The following BLVRA variants were observed in gnomAD, a reference collection of about 807,000 sequenced individuals.
BLVRA encodes the protein biliverdin reductase A.
In BLVRA, 22 loss-of-function variants were observed where a neutral mutation model predicts 32.8. That is an observed-to-expected ratio of 0.67 (90% CI 0.48 to 0.96). The LOEUF is 0.96. Among genes scored for constraint, BLVRA ranks in the 40% least tolerant of loss-of-function variants. The pLI, the probability that BLVRA is intolerant of heterozygous loss-of-function variation, is 0.00. For missense variants in BLVRA, 323 were observed against 358.1 expected, an observed-to-expected ratio of 0.90 and a Z score of 0.79; for synonymous variants, 119 against 141.3, an observed-to-expected ratio of 0.84 and a Z score of 1.12.
chr7:43,792,147 A>G (rs961773851), intron 4 of BLVRA, among the ~76,000 whole-genome samples: 4 of 152,112 alleles, frequency 2.6e-5, no homozygotes, highest in African/African-American at 9.7e-5. Context: ...TACTTTTCCA[A>G]CGTTATTATC....
At chr7:43,764,389 C>T (rs1240587710) in intron 1 of BLVRA, 2 of 152,210 alleles carry the variant, frequency 1.3e-5, no homozygotes, top group African/African-American at 2.4e-5. Flanking sequence ...AGTTAATAAG[C>T]AGCTCTTTTC....
chr7:43,806,948 C>CATG (rs2095804602), intron 7 of BLVRA, 29 bp from the exon 8 acceptor site: 1 of 1,612,504 alleles, frequency 6.2e-7, no homozygotes, highest in Non-Finnish European at 8.5e-7. Flanking sequence ...TAATCTCTAA[C>CATG]ATGATTCTTT....
At chr7:43,783,790 A>G (rs1401798503) in intron 2 of BLVRA, among the ~76,000 whole-genome samples, 1 of 152,086 alleles carries the variant, frequency 6.6e-6, no homozygotes, top group Non-Finnish European at 1.5e-5. Flanking sequence ...AGGCCAACCA[A>G]TGTGTTATCA....
At position 43,806,973 on chromosome 7, in the gene BLVRA, G is replaced by T; in HGVS notation, c.633-4G>T. On this transcript the variant is annotated splice_region_variant and splice_polypyrimidine_tract_variant and intron_variant, in intron 7 of 7. Coordinates refer to ENST00000265523, the MANE Select transcript of BLVRA (RefSeq NM_000712.4). ...CATGATTCTTTTGTCTTTTGTCTTT[G>T]CAGTCCACTGTCATGGATTGAAGAA... is the stretch of plus-strand genomic sequence containing the variant. The T allele has an allele frequency of 1.2e-6, 2 of 1,613,686 alleles. No homozygotes were observed. Among genetic ancestry groups the T allele is most frequent in the Admixed American group, 3.3e-5 (2 of 60,016 alleles).
Position 43,803,606 on chromosome 7 carries a change from A to G in BLVRA, c.461-70A>G, listed in dbSNP as rs535129966. The G allele has an allele frequency of 3.9e-4, 177 of 450,586 alleles. 1 individual carries two copies. The African/African-American group carries it at 5.9e-3, about 15-fold the overall frequency. 27.9% of individuals were successfully genotyped at this position (450,586 alleles called of 1,614,324 possible). A position where few individuals can be genotyped will look rare whatever the true frequency, so the allele number is the denominator to read the frequency against. On this transcript the variant is annotated intron_variant, in intron 6 of 7. Transcript: ENST00000265523. Reference sequence around the variant, plus strand: ...ATCTTTTCACACCCCCGCCACCCCCACCCCCCTGTCCTGCTTTCCACTTGG... The same window carrying G: ...ATCTTTTCACACCCCCGCCACCCCCGCCCCCCTGTCCTGCTTTCCACTTGG...
intron 2 of BLVRA, among the ~76,000 whole-genome samples, chr7:43,784,816 C>T (rs181209278): frequency 1.3e-5 from 2 of 151,984 alleles, no homozygotes; most frequent in Non-Finnish European, 2.9e-5. Context: ...CTATGTTGGT[C>T]GGGCAAGTCT....
intron 5 of BLVRA, among the ~76,000 whole-genome samples, chr7:43,793,149 C>T (rs998272581): frequency 2.6e-5 from 4 of 152,168 alleles, no homozygotes. Flanking sequence ...CCTAAAAATG[C>T]TCAAATCAGA....
At chr7:43,799,367 A>G (rs2095796244) in intron 5 of BLVRA, among the ~76,000 whole-genome samples, 1 of 152,240 alleles carries the variant, frequency 6.6e-6, no homozygotes, top group African/African-American at 2.4e-5. Context: ...TAATCACAAA[A>G]TAGTTCTGGT....
chr7:43,765,152 G>T (rs2095746431), intron 1 of BLVRA, among the ~76,000 whole-genome samples: 1 of 152,204 alleles, frequency 6.6e-6, no homozygotes, highest in South Asian at 2.1e-4. Flanking sequence ...CTGCAAAGGT[G>T]TTGACTTTTT....
At chr7:43,801,868 C>T (rs1407055152) in intron 6 of BLVRA, among the ~76,000 whole-genome samples, 2 of 152,148 alleles carry the variant, frequency 1.3e-5, no homozygotes, top group East Asian at 3.8e-4. Context: ...GGCATAGTGG[C>T]TCACGCCTGT....
chr7:43,791,251 G>C lies in BLVRA; in HGVS notation c.137G>C (p.Arg46Thr). The C allele has an allele frequency of 1.2e-6, 2 of 1,614,154 alleles. No homozygotes were observed. The highest frequency in any genetic ancestry group is 1.7e-6 in the Non-Finnish European group (2 of 1,180,020). The change falls in exon 4 of 8, where the codon AGG becomes ACG. Residue 46 changes from arginine (R) to threonine (T), a missense_variant and splice_region_variant. Physicochemically the swap from Arg to Thr is moderately conservative, Grantham distance 71 (BLOSUM62 -1). Coordinates refer to ENST00000265523, the MANE Select transcript of BLVRA (RefSeq NM_000712.4). ...ATTTCTCTGTTACTCTGAAATAGAA[G>C]GGAGCTCGGGAGCATTGATGGAGTC... Reference protein sequence around the residue: ...FLNLIGFVSRRELGSIDGVQQ... With the variant: ...FLNLIGFVSRTELGSIDGVQQ...
chr7:43,796,797 C>T (rs1268401715), intron 5 of BLVRA, among the ~76,000 whole-genome samples: 1 of 152,182 alleles, frequency 6.6e-6, no homozygotes, highest in Non-Finnish European at 1.5e-5. Context: ...ATCTGCAAAT[C>T]TTATCTTTGA....
chr7:43,803,488 A>G (rs895948421), intron 6 of BLVRA, among the ~76,000 whole-genome samples, 188 bp from the exon 7 acceptor site: 2 of 152,180 alleles, frequency 1.3e-5, no homozygotes, highest in African/African-American at 2.4e-5. Flanking sequence ...GATAGAGTTG[A>G]AGTTCAGCCA....
intron 2 of BLVRA, among the ~76,000 whole-genome samples, chr7:43,786,670 T>G (rs967945386): frequency 1.3e-5 from 2 of 152,204 alleles, no homozygotes; most frequent in Non-Finnish European, 2.9e-5. Context: ...ATTCAAATCA[T>G]TTAAAGAATG....
chr7:43,800,662 A>G lies in BLVRA; in HGVS notation c.460+90A>G. On this transcript the variant is annotated intron_variant, in intron 6 of 7. Transcript: ENST00000265523. ...CTCTCTGGGATGGGAGCTTATATTC[A>G]TTTCTGCTCAAGACTCTCTGACTCA... 4 of 1,184,522 alleles carry G rather than the reference A, an allele frequency of 3.4e-6. No individual in the cohort carries two copies. In the East Asian group the frequency reaches 7.3e-5, roughly 21 times the overall value. 73.4% of individuals were successfully genotyped at this position (1,184,522 alleles called of 1,614,324 possible).
intron 2 of BLVRA, among the ~76,000 whole-genome samples, chr7:43,775,833 A>G (rs1397805375): frequency 5.9e-5 from 9 of 152,224 alleles, no homozygotes; most frequent in Non-Finnish European, 1.0e-4. Context: ...TTATTGGTCT[A>G]TTCAGAGATT....
intron 5 of BLVRA, among the ~76,000 whole-genome samples, chr7:43,796,663 A>T (rs1333686802): frequency 1.3e-5 from 2 of 152,240 alleles, no homozygotes; most frequent in Non-Finnish European, 2.9e-5. Context: ...CTTACATACG[A>T]CATCAAAAAC....
At chr7:43,769,218 C>T (rs980086416) in intron 1 of BLVRA, among the ~76,000 whole-genome samples, 17 of 152,022 alleles carry the variant, frequency 1.1e-4, no homozygotes, top group African/African-American at 4.1e-4. Flanking sequence ...TAAGTAAAGA[C>T]AGGGTCTTGC....
chr7:43,789,831 C>T (rs2095783252), intron 3 of BLVRA, among the ~76,000 whole-genome samples: 2 of 151,900 alleles, frequency 1.3e-5, no homozygotes, highest in South Asian at 4.2e-4. Flanking sequence ...TCTCCTACTT[C>T]CAAGCACCAC....
Sources: allele counts gnomAD v4.1 joint callset (sites outside exome capture counted in the v4.1 genomes callset), GRCh38; gene constraint gnomAD v4.1.1; transcripts MANE v1.5; gene names NCBI Gene and HGNC (gene_info 2026-07-23, HGNC 2026-07-21).